The following FSTL4 variants were observed in gnomAD, a reference collection of about 807,000 sequenced individuals.
The protein encoded by FSTL4 is follistatin-related protein 4.
FSTL4 carries 28 observed loss-of-function variants against 78.2 expected under a neutral mutation model. The ratio of observed to expected loss-of-function variants is 0.36; its 90% CI spans 0.27 to 0.49. The LOEUF is 0.49. Among genes scored for constraint, FSTL4 ranks in the 20% least tolerant of loss-of-function variants. FSTL4 has a pLI of 0.98. For synonymous variants in FSTL4, 422 were observed against 440.5 expected (o/e 0.96, Z 0.53); for missense variants, 922 against 1,084.9 (o/e 0.85, Z 2.11).
At chr5:133,516,753 CA>C (rs1758858979) in intron 3 of FSTL4, among the ~76,000 whole-genome samples, 1 of 151,884 alleles carries the variant, frequency 6.6e-6, no homozygotes, top group African/African-American at 2.4e-5. Flanking sequence ...CTAAGGTTAC[CA>C]AAACAATGGG....
At chr5:133,449,118 G>T (rs974075186) in intron 3 of FSTL4, among the ~76,000 whole-genome samples, 2 of 152,132 alleles carry the variant, frequency 1.3e-5, no homozygotes, top group Non-Finnish European at 2.9e-5. Flanking sequence ...CCAAACAAGC[G>T]CTGAGTGTTC....
chr5:133,262,943 G>A (rs895487406), intron 6 of FSTL4, among the ~76,000 whole-genome samples: 1 of 152,058 alleles, frequency 6.6e-6, no homozygotes, highest in East Asian at 1.9e-4. Context: ...GTGTCGGGGG[G>A]TGGGTGATAG....
intron 3 of FSTL4, among the ~76,000 whole-genome samples, chr5:133,404,048 C>G (rs1349514422): frequency 6.6e-6 from 1 of 152,218 alleles, no homozygotes; most frequent in East Asian, 1.9e-4. Flanking sequence ...GTCAAGAACA[C>G]TCAGGTTCTC....
chr5:133,518,141 G>A (rs2112895145), intron 3 of FSTL4, among the ~76,000 whole-genome samples: 1 of 152,182 alleles, frequency 6.6e-6, no homozygotes, highest in East Asian at 1.9e-4. Flanking sequence ...AAGGAAAAAA[G>A]TTAAACATTT....
At chr5:133,488,271 T>C (rs1275120717) in intron 3 of FSTL4, among the ~76,000 whole-genome samples, 1 of 152,180 alleles carries the variant, frequency 6.6e-6, no homozygotes, top group Non-Finnish European at 1.5e-5. Flanking sequence ...CTCTCTTTTT[T>C]TGAGATGGAG....
intron 2 of FSTL4, among the ~76,000 whole-genome samples, chr5:133,590,079 A>G (rs1033808265): frequency 7.0e-6 from 1 of 143,402 alleles, no homozygotes; most frequent in Non-Finnish European, 1.5e-5. Flanking sequence ...GAGAATTCCT[A>G]TTGGGAATCT....
chr5:133,341,992 T>C (rs1754592722), intron 4 of FSTL4, among the ~76,000 whole-genome samples: 1 of 152,146 alleles, frequency 6.6e-6, no homozygotes, highest in Non-Finnish European at 1.5e-5. Context: ...CTGTGTGATT[T>C]CTCTGAGGCT....
chr5:133,841,790 C>T, the FSTL4 span, among the ~76,000 whole-genome samples: 1 of 152,226 alleles, frequency 6.6e-6, no homozygotes, highest in Admixed American at 6.5e-5. Flanking sequence ...AGCCCCTCAC[C>T]TGCCATCACT....
At chr5:133,245,705 A>G (rs917662571) in intron 7 of FSTL4, among the ~76,000 whole-genome samples, 2 of 152,182 alleles carry the variant, frequency 1.3e-5, no homozygotes, top group African/African-American at 4.8e-5. Flanking sequence ...ATGACTCCCC[A>G]TGTACGCCAC....
intron 5 of FSTL4, among the ~76,000 whole-genome samples, chr5:133,313,493 C>A (rs1403044476): frequency 6.6e-6 from 1 of 152,110 alleles, no homozygotes; most frequent in Admixed American, 6.5e-5. Context: ...CCCAAGGTAA[C>A]TAAGGGTAGA....
rs1751665260 is a variant in FSTL4 at position 133,236,429 on chromosome 5, AC to A, written c.895-2893del. 6.6e-6 allele frequency among the ~76,000 whole-genome samples: 1 copy of A among 151,070 alleles called. No homozygotes were observed. The highest frequency in any genetic ancestry group is 6.6e-5 in the Admixed American group (1 of 15,252). ...GTATTTAATCCTCAGGAAAAAAAAA[AC>A]CCTGAAAACCCCAATCCAGAAAACA... On this transcript the variant is annotated intron_variant, in intron 7 of 15. Coordinates refer to ENST00000265342, the MANE Select transcript of FSTL4 (RefSeq NM_015082.2). This position sits in a 1 kb window ranked among gnomAD's most constrained non-coding sequence, Gnocchi z 5.0.
intron 3 of FSTL4, among the ~76,000 whole-genome samples, chr5:133,422,613 T>C (rs1322229057): frequency 6.6e-6 from 1 of 152,108 alleles, no homozygotes; most frequent in African/African-American, 2.4e-5. Flanking sequence ...GGATGGCTAT[T>C]ACGTGTCTAA....
Position 133,396,804 on chromosome 5 carries a change from G to A in FSTL4, c.409+3934C>T, listed in dbSNP as rs562046387. The stretch of plus-strand genomic sequence containing the variant: ...TTGCAACAAAATACTGAGTTTTTAT[G>A]TCTGCTTAGTAACAAGTAAGAAAAA... On this transcript the variant is annotated intron_variant, in intron 4 of 15. Coordinates refer to ENST00000265342, the MANE Select transcript of FSTL4 (RefSeq NM_015082.2). 6.6e-5 allele frequency among the ~76,000 whole-genome samples: 10 copies of A among 152,302 alleles called. No homozygotes were observed. The South Asian group carries it at 2.1e-3, about 32-fold the overall frequency.
rs574032927 is a variant in FSTL4 at position 133,365,397 on chromosome 5, C to T, written c.409+35341G>A. On this transcript the variant is annotated intron_variant, in intron 4 of 15. Transcript: ENST00000265342. ...ATGGTAACAATCTCCAGCCAAGTTG[C>T]TGAGCCAGGGGGACCACCCAGGCAG... Among the ~76,000 whole-genome samples, 3 of 152,288 alleles carry T rather than the reference C, an allele frequency of 2.0e-5. No homozygotes were observed. In the East Asian group the frequency reaches 5.8e-4, roughly 29 times the overall value.
At chr5:133,240,448 C>T (rs10035825) in intron 7 of FSTL4, among the ~76,000 whole-genome samples, 36,796 of 152,092 alleles carry the variant, frequency 0.24, 5,688 homozygotes, top group East Asian at 0.48. Flanking sequence ...CAGCTGCATT[C>T]AGTGTGAGCA....
At chr5:133,479,114 T>C (rs1757977654) in intron 3 of FSTL4, among the ~76,000 whole-genome samples, 1 of 152,220 alleles carries the variant, frequency 6.6e-6, no homozygotes, top group Non-Finnish European at 1.5e-5. Flanking sequence ...CTCCACATTA[T>C]CTTATTTGAT....
At chr5:133,625,016 T>C in the FSTL4 span, among the ~76,000 whole-genome samples, 1 of 151,786 alleles carries the variant, frequency 6.6e-6, no homozygotes, top group Admixed American at 6.6e-5. Flanking sequence ...TTTTGTTGTA[T>C]TCTCTGCTAA....
chr5:133,776,994 T>C, the FSTL4 span, among the ~76,000 whole-genome samples: 1 of 152,098 alleles, frequency 6.6e-6, no homozygotes, highest in African/African-American at 2.4e-5. Context: ...CCTAAGATAG[T>C]ACCTCAGCTT....
rs551021722 is a variant in FSTL4 at position 133,345,093 on chromosome 5, CAA to C, written c.410-28443_410-28442del. 3.5e-4 allele frequency among the ~76,000 whole-genome samples: 53 copies of C among 152,040 alleles called. 2 individuals carry two copies. The East Asian group carries it at 0.01, about 29-fold the overall frequency. On this transcript the variant is annotated intron_variant, in intron 4 of 15. Coordinates refer to ENST00000265342, the MANE Select transcript of FSTL4 (RefSeq NM_015082.2). ...ACGCCATTCTCCTGCCTCAGCCTCCCAAGTAGCTGGTACTACAGGGCCCCCAC... is the reference window on the plus strand; with the variant it reads ...ACGCCATTCTCCTGCCTCAGCCTCCCGTAGCTGGTACTACAGGGCCCCCAC...
Sources: allele counts gnomAD v4.1 joint callset (sites outside exome capture counted in the v4.1 genomes callset), GRCh38; gene constraint gnomAD v4.1.1; non-coding constraint Gnocchi (gnomAD v3.1); transcripts MANE v1.5; gene names NCBI Gene and HGNC (gene_info 2026-07-23, HGNC 2026-07-21).